The following DAB1 variants were observed in gnomAD, a reference collection of about 807,000 sequenced individuals.
DAB1 encodes the protein disabled homolog 1.
Under a neutral mutation model 64.6 loss-of-function variants are expected in DAB1, and 15 were observed. That is an observed-to-expected ratio of 0.23 (90% CI 0.16 to 0.36). The LOEUF (loss-of-function observed/expected upper bound fraction) is 0.36. Among genes scored for constraint, DAB1 ranks in the 10% least tolerant of loss-of-function variants. DAB1 has a pLI of 1.00. For synonymous variants in DAB1, 235 were observed against 251.9 expected, an observed-to-expected ratio of 0.93 and a Z score of 0.64; for missense variants, 596 against 706.7, an observed-to-expected ratio of 0.84 and a Z score of 1.78.
At chr1:57,186,369 T>G (rs916066058) in intron 2 of DAB1, among the ~76,000 whole-genome samples, 1 of 152,190 alleles carries the variant, frequency 6.6e-6, no homozygotes, top group Non-Finnish European at 1.5e-5. Context: ...CAGTGTGAGG[T>G]GTGCTTATTT....
At chr1:57,660,378 G>T (rs1022926891) in intron 6 of DAB1, among the ~76,000 whole-genome samples, 1 of 152,096 alleles carries the variant, frequency 6.6e-6, no homozygotes, top group Non-Finnish European at 1.5e-5. Flanking sequence ...CTGATCAGCC[G>T]GCCTCTTCTT....
intron 9 of DAB1, among the ~76,000 whole-genome samples, chr1:57,047,887 T>C (rs1354987446): frequency 1.3e-5 from 2 of 152,186 alleles, no homozygotes; most frequent in South Asian, 2.1e-4. Flanking sequence ...TAAAACCATC[T>C]TCGTCGCTGG....
At chr1:57,039,265 G>A (rs75391419) in intron 9 of DAB1, among the ~76,000 whole-genome samples, 2 of 152,156 alleles carry the variant, frequency 1.3e-5, no homozygotes, top group African/African-American at 4.8e-5. Context: ...GCAGTGAGAA[G>A]ACTGATGTAT....
intron 7 of DAB1, among the ~76,000 whole-genome samples, chr1:57,535,314 T>C (rs1474250337): frequency 1.3e-5 from 2 of 152,162 alleles, no homozygotes; most frequent in Non-Finnish European, 2.9e-5. Context: ...ATCTAGGACA[T>C]AACAAGTGAA....
chr1:57,081,057 C>T (rs1262865356), intron 4 of DAB1, among the ~76,000 whole-genome samples: 1 of 152,146 alleles, frequency 6.6e-6, no homozygotes, highest in Non-Finnish European at 1.5e-5. Flanking sequence ...TTTTACTAAA[C>T]ATATAGTTTG....
intron 7 of DAB1, among the ~76,000 whole-genome samples, chr1:57,548,472 T>G (rs1256306898): frequency 8.1e-6 from 1 of 124,200 alleles, no homozygotes; most frequent in African/African-American, 3.0e-5. Flanking sequence ...ATACAAAATC[T>G]GTTCAACAAA....
chr1:57,734,841 A>G (rs1451191390), intron 6 of DAB1, among the ~76,000 whole-genome samples: 1 of 152,260 alleles, frequency 6.6e-6, no homozygotes, highest in Non-Finnish European at 1.5e-5. Context: ...AAAGCAAGCT[A>G]CATTCAGGAC....
chr1:57,626,067 G>A (rs1383810782), intron 7 of DAB1, among the ~76,000 whole-genome samples: 1 of 152,122 alleles, frequency 6.6e-6, no homozygotes, highest in Non-Finnish European at 1.5e-5. Context: ...TTTAGGTAAA[G>A]CTCATTATGG....
At chr1:58,238,874 C>T (rs1251356796) in intron 4 of DAB1, among the ~76,000 whole-genome samples, 1 of 152,124 alleles carries the variant, frequency 6.6e-6, no homozygotes. Flanking sequence ...AGACAAAACT[C>T]TGGGGACACT....
intron 7 of DAB1, among the ~76,000 whole-genome samples, chr1:57,507,904 C>G (rs1644363693): frequency 6.6e-6 from 1 of 152,158 alleles, no homozygotes; most frequent in South Asian, 2.1e-4. Flanking sequence ...TAAATTTCTA[C>G]CACAATGATT....
At chr1:58,378,823 A>G (rs1213472269) in intron 3 of DAB1, among the ~76,000 whole-genome samples, 3 of 106,742 alleles carry the variant, frequency 2.8e-5, no homozygotes. Context: ...TGTGCTAGCA[A>G]TCAGCGAGAT....
In DAB1 at chr1:58,017,464, T is replaced by C. The variant is rs530069292; in HGVS notation, n.387+133047A>G. ...AAAATCATGCATGGTCAGGTAAATA[T>C]GACCCAAGCAGAGCTGAAATGCTCC... On this transcript the variant is annotated intron_variant and non_coding_transcript_variant, in intron 5 of 20. Coordinates refer to the DAB1 transcript ENST00000485760. Among the ~76,000 whole-genome samples, 4 of 152,258 alleles carry C rather than the reference T, an allele frequency of 2.6e-5. No individual in the cohort carries two copies. In the South Asian group the frequency reaches 8.3e-4, roughly 32 times the overall value.
intron 1 of DAB1, among the ~76,000 whole-genome samples, chr1:57,342,787 G>C (rs548692875): frequency 6.7e-6 from 1 of 149,614 alleles, no homozygotes; most frequent in African/African-American, 2.4e-5. Context: ...CGCGGTGAGC[G>C]TTACAGCTCT....
At chr1:57,508,269 A>G (rs1231075676) in intron 7 of DAB1, among the ~76,000 whole-genome samples, 1 of 152,144 alleles carries the variant, frequency 6.6e-6, no homozygotes, top group South Asian at 2.1e-4. Flanking sequence ...ACCCCTCTAC[A>G]TGAATGAATG....
At chr1:57,297,189 T>A (rs1228437713) in intron 1 of DAB1, among the ~76,000 whole-genome samples, 5 of 152,122 alleles carry the variant, frequency 3.3e-5, no homozygotes, top group African/African-American at 1.2e-4. Flanking sequence ...GTGGAAATAT[T>A]TTAGATTAAA....
chr1:58,076,336 C>T (rs1485382855), intron 5 of DAB1, among the ~76,000 whole-genome samples: 1 of 152,120 alleles, frequency 6.6e-6, no homozygotes, highest in Non-Finnish European at 1.5e-5. Flanking sequence ...GAGATGTGCA[C>T]CCAGGAAGTC....
intron 5 of DAB1, among the ~76,000 whole-genome samples, chr1:57,983,442 A>G (rs1353155437): frequency 6.6e-6 from 1 of 152,134 alleles, no homozygotes; most frequent in Non-Finnish European, 1.5e-5. Context: ...CCAGGCGGCC[A>G]ATGAGCTCAC....
At chr1:58,128,711 T>C in intron 5 of DAB1, among the ~76,000 whole-genome samples, 2 of 109,574 alleles carry the variant, frequency 1.8e-5, no homozygotes, top group South Asian at 9.2e-4. Context: ...TCTATTGAGA[T>C]AATCATGTGG....
chr1:58,421,735 G>A (rs1290598975), intron 3 of DAB1, among the ~76,000 whole-genome samples: 2 of 152,188 alleles, frequency 1.3e-5, no homozygotes, highest in African/African-American at 2.4e-5. Context: ...GTGGAGAGAG[G>A]ACTCAGAGGT....
Sources: gnomAD v4.1 joint callset for allele counts (sites outside exome capture counted in the v4.1 genomes callset) on GRCh38, gnomAD v4.1.1 for gene constraint, MANE v1.5 for transcripts, NCBI Gene and HGNC (gene_info 2026-07-23, HGNC 2026-07-21) for gene names.